The following HS3ST1 variants were observed in gnomAD, a reference collection of about 807,000 sequenced individuals.
HS3ST1 encodes heparan sulfate-glucosamine 3-sulfotransferase 1, also known as heparan sulfate glucosamine 3-O-sulfotransferase 1.
Under a neutral mutation model 20.7 loss-of-function variants are expected in HS3ST1, and 8 were observed. The observed-to-expected ratio is 0.39, with a 90% CI of 0.23 to 0.70. The LOEUF (loss-of-function observed/expected upper bound fraction) is 0.70, where lower values mean the gene tolerates loss of function less well. Among genes scored for constraint, HS3ST1 ranks in the 30% least tolerant of loss-of-function variants. HS3ST1 has a pLI of 0.46. For missense variants in HS3ST1, 436 were observed against 423.4 expected (o/e 1.03, Z -0.26); for synonymous variants, 205 against 190.4 (o/e 1.08, Z -0.63).
rs1459315322 is a variant in HS3ST1, at chr4:11,399,822, C to G, written c.184G>C (p.Val62Leu). ...AGTGCGCGCGTGCCGCCCTTGCGCACGCCGATGATGATGGTCTGCGGCAAC... is the reference window on the plus strand; with the variant it reads ...AGTGCGCGCGTGCCGCCCTTGCGCAGGCCGATGATGATGGTCTGCGGCAAC... The part of the protein sequence containing the change: ...QQLPQTIIIG[V>L]RKGGTRALLE... Residue 62 changes from valine to leucine, a missense_variant, in exon 2 of 2, where the codon GTG becomes CTG. Transcript: ENST00000002596. The surrounding 1 kb of genome is among the most constrained non-coding windows in gnomAD (Gnocchi z 5.1). The G allele has an allele frequency of 2.5e-6, 4 of 1,612,854 alleles. No homozygotes were observed. The highest frequency in any genetic ancestry group is 1.3e-5 in the African/African-American group (1 of 74,944).
At position 11,422,577 on chromosome 4, in the gene HS3ST1, T is replaced by C. The variant is rs550774769; in HGVS notation, c.-109+6122A>G. ...TCGGTTATTTATCTGACTCCCATAC[T>C]AAACTGTAAATTCATCAATGACAAG... On this transcript the variant is annotated intron_variant, in intron 1 of 1. Coordinates refer to ENST00000002596, the MANE Select transcript of HS3ST1 (RefSeq NM_005114.4). Among the ~76,000 whole-genome samples, 24 of 152,296 alleles carry C rather than the reference T, an allele frequency of 1.6e-4. No individual in the cohort carries two copies. The East Asian group carries it at 3.1e-3, about 20-fold the overall frequency.
chr4:11,406,502 C>G (rs1286149645), intron 1 of HS3ST1, among the ~76,000 whole-genome samples: 2 of 152,200 alleles, frequency 1.3e-5, no homozygotes, highest in Non-Finnish European at 2.9e-5. Context: ...TGTTAATGGC[C>G]TGCCTTTCAT....
chr4:11,400,778 A>C lies in HS3ST1; in HGVS notation c.-108-665T>G, dbSNP rs74380110. On this transcript the variant is annotated intron_variant, in intron 1 of 1. Transcript: ENST00000002596. ...GTCCCAATTCTTCACCTTGTGTCCA[A>C]CTCTTGAATTGGCCTTGCTACTAGC... Among the ~76,000 whole-genome samples, 1,354 of 152,188 alleles carry C rather than the reference A, an allele frequency of 8.9e-3. 19 individuals are homozygous for C. Among genetic ancestry groups the C allele is most frequent in the African/African-American group, 0.031 (1,295 of 41,510 alleles).
rs1457203439 is a variant in HS3ST1 at position 11,393,683 on chromosome 4, CGAG to C, written c.*5396_*5398del. 2 of 152,214 alleles carry C rather than the reference CGAG, an allele frequency of 1.3e-5. No homozygotes were observed. The highest frequency in any genetic ancestry group is 4.8e-5 in the African/African-American group (2 of 41,438). The allele number at this position is 152,214 out of a possible 1,614,324, so 9.4% of individuals were successfully genotyped here. On this transcript the variant is annotated 3_prime_UTR_variant, in exon 2 of 2. Coordinates refer to ENST00000002596, the MANE Select transcript of HS3ST1 (RefSeq NM_005114.4). ...GAAGTCTAGCCTCAGCCTGATCTCACGAGGAGCTCTGAGCATGAGTTGCACCAG... is the reference window on the plus strand; with the variant it reads ...GAAGTCTAGCCTCAGCCTGATCTCACGAGCTCTGAGCATGAGTTGCACCAG...
chr4:11,418,654 C>G (rs1455914268), intron 1 of HS3ST1, among the ~76,000 whole-genome samples: 1 of 152,096 alleles, frequency 6.6e-6, no homozygotes, highest in Non-Finnish European at 1.5e-5. Flanking sequence ...GGATCAGTTC[C>G]CATGGTGCAG....
Position 11,419,630 on chromosome 4 carries a change from C to T in HS3ST1, c.-109+9069G>A, listed in dbSNP as rs543205690. On this transcript the variant is annotated intron_variant, in intron 1 of 1. Coordinates refer to ENST00000002596, the MANE Select transcript of HS3ST1 (RefSeq NM_005114.4). ...CATGTTCTGCACTTGTATCCTGGAACTTAAAGTAAAACAAAATACAATAAA... is the reference window on the plus strand; with the variant it reads ...CATGTTCTGCACTTGTATCCTGGAATTTAAAGTAAAACAAAATACAATAAA... Among the ~76,000 whole-genome samples the T allele has an allele frequency of 3.3e-5, 5 of 152,062 alleles. No individual in the cohort carries two copies. In the East Asian group the frequency reaches 9.7e-4, roughly 29 times the overall value.
chr4:11,431,040 A>T (rs907356072), upstream of HS3ST1, among the ~76,000 whole-genome samples: 2 of 152,180 alleles, frequency 1.3e-5, no homozygotes, highest in Admixed American at 6.5e-5. Flanking sequence ...CCAGAAGCTC[A>T]TGTAGTGCCA....
Position 11,415,941 on chromosome 4 carries a change from G to GT in HS3ST1, c.-109+12757dup, listed in dbSNP as rs145188560. On this transcript the variant is annotated intron_variant, in intron 1 of 1. Transcript: ENST00000002596. ...GAAATGTGTGCAGCTAAGGAGACTT[G>GT]TGTGGGGGTGAGAAGCCGGCAGGAG... Among the ~76,000 whole-genome samples the GT allele has an allele frequency of 6.1e-3, 931 of 152,298 alleles. 7 individuals carry two copies. Among genetic ancestry groups the GT allele is most frequent in the African/African-American group, 0.021 (868 of 41,558 alleles).
intron 1 of HS3ST1, among the ~76,000 whole-genome samples, chr4:11,406,016 C>T (rs1239565073): frequency 6.6e-6 from 1 of 152,164 alleles, no homozygotes; most frequent in African/African-American, 2.4e-5. Context: ...CTTCACAGCC[C>T]CTCAATGAGA....
At chr4:11,423,932 A>C (rs1718996168) in intron 1 of HS3ST1, among the ~76,000 whole-genome samples, 1 of 151,260 alleles carries the variant, frequency 6.6e-6, no homozygotes, top group East Asian at 2.0e-4. Context: ...ACACACAGAA[A>C]TGTTTGGTTT....
At chr4:11,401,135 T>C (rs1718313071) in intron 1 of HS3ST1, among the ~76,000 whole-genome samples, 1 of 152,220 alleles carries the variant, frequency 6.6e-6, no homozygotes, top group Admixed American at 6.5e-5. Context: ...ACATGTTCAT[T>C]CATTTTGCCT....
chr4:11,417,067 C>G (rs1436685206), intron 1 of HS3ST1, among the ~76,000 whole-genome samples: 1 of 152,058 alleles, frequency 6.6e-6, no homozygotes, highest in East Asian at 1.9e-4. Flanking sequence ...CAGAGAGTGG[C>G]TAATGATGAG....
At chr4:11,410,254 A>G (rs751288967) in intron 1 of HS3ST1, among the ~76,000 whole-genome samples, 1 of 152,156 alleles carries the variant, frequency 6.6e-6, no homozygotes, top group Non-Finnish European at 1.5e-5. Context: ...GGAAGGAATG[A>G]ATGACTAGAC....
At chr4:11,407,079 C>G (rs768345111) in intron 1 of HS3ST1, among the ~76,000 whole-genome samples, 1 of 152,172 alleles carries the variant, frequency 6.6e-6, no homozygotes, top group Non-Finnish European at 1.5e-5. Flanking sequence ...AGTGATATTT[C>G]AAGACCTACA....
At chr4:11,408,270 G>T (rs1194645456) in intron 1 of HS3ST1, among the ~76,000 whole-genome samples, 1 of 152,056 alleles carries the variant, frequency 6.6e-6, no homozygotes, top group Non-Finnish European at 1.5e-5. Flanking sequence ...AAGTACATGT[G>T]GCATGCTTAG....
upstream of HS3ST1, among the ~76,000 whole-genome samples, chr4:11,430,945 T>G (rs976357258): frequency 1.3e-5 from 2 of 152,226 alleles, no homozygotes; most frequent in Non-Finnish European, 2.9e-5. Flanking sequence ...TGTTCTTACT[T>G]AGTTTTATGT....
At chr4:11,414,254 C>A (rs1420701739) in intron 1 of HS3ST1, 6 of 152,232 alleles carry the variant, frequency 3.9e-5, no homozygotes, top group Non-Finnish European at 8.8e-5. Flanking sequence ...CTGGTTCCAT[C>A]TCCTTTCAAG....
rs368275390 is a variant in HS3ST1 at position 11,399,174 on chromosome 4, C to A, written c.832G>T (p.Asp278Tyr). Residue 278 changes from aspartate (D) to tyrosine (Y), a missense_variant, in exon 2 of 2, where the codon GAT becomes TAT. Asp to Tyr is a radical substitution (Grantham distance 160). Transcript: ENST00000002596. This position sits in a 1 kb window ranked among gnomAD's most constrained non-coding sequence, Gnocchi z 5.1. The part of the protein sequence containing the change: ...ESKGRAHPQV[D>Y]PKLLNKLHEY... ...TGCAGTTTATTGAGTAGTTTGGGAT[C>A]GACTTGGGGGTGCGCCCGGCCTTTG... 6.8e-6 allele frequency: 11 copies of A among 1,614,022 alleles called. No individual in the cohort carries two copies. Among genetic ancestry groups the A allele is most frequent in the Non-Finnish European group, 9.3e-6 (11 of 1,180,046 alleles).
chr4:11,426,892 G>T (rs895233980), intron 1 of HS3ST1, among the ~76,000 whole-genome samples: 3 of 152,212 alleles, frequency 2.0e-5, no homozygotes, highest in Non-Finnish European at 4.4e-5. Context: ...AAATCTAAGC[G>T]CTGGATGTAC....
Sources: allele counts gnomAD v4.1 joint callset (sites outside exome capture counted in the v4.1 genomes callset), GRCh38; gene constraint gnomAD v4.1.1; non-coding constraint Gnocchi (gnomAD v3.1); transcripts MANE v1.5; gene names NCBI Gene and HGNC (gene_info 2026-07-23, HGNC 2026-07-21).